BRDT: variants seen among roughly 807,000 people sequenced by gnomAD.
The protein encoded by BRDT is bromodomain testis associated.
A neutral mutation model predicts 113.9 loss-of-function variants in BRDT; 77 were observed. That is an observed-to-expected ratio of 0.68 (90% CI 0.56 to 0.82). The LOEUF (loss-of-function observed/expected upper bound fraction) is 0.82. Ranked by LOEUF, BRDT falls within the 40% of genes least tolerant of loss-of-function variation. BRDT has a pLI of 0.00. For missense variants in BRDT, 1,027 were observed against 1,105.4 expected (o/e 0.93, Z 1.01); for synonymous variants, 358 against 366.5 (o/e 0.98, Z 0.26).
chr1:91,984,972 T>C (rs1685073730), intron 12 of BRDT, among the ~76,000 whole-genome samples: 1 of 152,034 alleles, frequency 6.6e-6, no homozygotes, highest in African/African-American at 2.4e-5. Flanking sequence ...TAAAAATAAT[T>C]ATGATTTGGC....
At chr1:91,987,972 C>T (rs951501738) in intron 12 of BRDT, among the ~76,000 whole-genome samples, 1 of 152,086 alleles carries the variant, frequency 6.6e-6, no homozygotes, top group Admixed American at 6.5e-5. Context: ...GCCTCAGCCT[C>T]CTAAGTAGCT....
chr1:91,979,687 CCT>C lies in BRDT; in HGVS notation c.1220_1221del (p.Ser407Ter), dbSNP rs749928896. ...GGTAGAGAGAACACTAATGAAGCCT[CCT>C]CTGAAGGGAACTCTTCTGATGATTC... is the stretch of plus-strand genomic sequence containing the variant. On this transcript the variant is annotated frameshift_variant, in exon 8 of 19. Coordinates refer to ENST00000399546, the MANE Select transcript of BRDT (RefSeq NM_207189.4). LOFTEE classifies it high-confidence loss of function. The C allele has an allele frequency of 3.7e-6, 6 of 1,613,980 alleles. No homozygotes were observed. In the East Asian group the frequency reaches 1.1e-4, roughly 30 times the overall value.
chr1:91,973,246 G>A (rs1481615789), intron 4 of BRDT, among the ~76,000 whole-genome samples: 2 of 152,186 alleles, frequency 1.3e-5, no homozygotes, highest in Admixed American at 1.3e-4. Context: ...TTTGGCTTAG[G>A]ATTGACTTGG....
At chr1:91,979,116 C>CTTT (rs77923577) in intron 7 of BRDT, among the ~76,000 whole-genome samples, 16 of 138,408 alleles carry the variant, frequency 1.2e-4, no homozygotes, top group African/African-American at 3.7e-4. Context: ...AAGCATGAGT[C>CTTT]TTTTTTTTTT....
At chr1:91,951,524 C>T (rs770191296) in intron 1 of BRDT, among the ~76,000 whole-genome samples, 29 of 151,916 alleles carry the variant, frequency 1.9e-4, no homozygotes, top group Non-Finnish European at 3.8e-4. Context: ...AGGCTGGGCG[C>T]GGTGGCTCAC....
chr1:91,996,276 T>A (rs1686323839), intron 15 of BRDT, among the ~76,000 whole-genome samples: 1 of 152,118 alleles, frequency 6.6e-6, no homozygotes, highest in South Asian at 2.1e-4. Flanking sequence ...TGACACAGAG[T>A]CTCGCCCTGT....
chr1:91,997,860 A>G (rs1346748335), intron 15 of BRDT, among the ~76,000 whole-genome samples: 2 of 152,364 alleles, frequency 1.3e-5, no homozygotes, highest in East Asian at 3.9e-4. Context: ...TAAAATTTAT[A>G]GAGACATTTT....
intron 1 of BRDT, chr1:91,950,553 G>C (rs555396228): frequency 2.0e-5 from 3 of 152,396 alleles, no homozygotes; most frequent in Middle Eastern, 3.4e-3. Context: ...GGGCAGAAGT[G>C]ATAACTCGTC....
In BRDT at chr1:91,981,165, A is replaced by G; in HGVS notation, c.1737A>G (p.Pro579=). The G allele has an allele frequency of 6.2e-7, 1 of 1,609,430 alleles. No individual in the cohort carries two copies. The highest frequency in any genetic ancestry group is 8.5e-7 in the Non-Finnish European group (1 of 1,178,668). ...TTTCGGCATGTCTAAGAAAGAGACC[A>G]TTAAAACCTCCTGGTATGTATTTCT... The part of the protein sequence containing the change: ...KYVSACLRKR[P]LKPPAKKIMM... The change falls in exon 10 of 19, where the codon CCA becomes CCG. Residue 579 remains proline (P), a synonymous_variant. Coordinates refer to ENST00000399546, the MANE Select transcript of BRDT (RefSeq NM_207189.4).
At chr1:91,951,485 A>G (rs1681073036) in intron 1 of BRDT, among the ~76,000 whole-genome samples, 1 of 151,892 alleles carries the variant, frequency 6.6e-6, no homozygotes, top group Non-Finnish European at 1.5e-5. Flanking sequence ...GGGGGCGTGT[A>G]TAGATGGAAT....
At chr1:92,001,714 C>T (rs1049588030) in intron 15 of BRDT, among the ~76,000 whole-genome samples, 15 of 150,402 alleles carry the variant, frequency 1.0e-4, no homozygotes, top group Non-Finnish European at 2.2e-4. Flanking sequence ...AAAAAAAACA[C>T]ACCTCTGGAG....
Position 92,004,417 on chromosome 1 carries a change from A to G in BRDT, c.2392A>G (p.Ile798Val), listed in dbSNP as rs1687110255. Residue 798 changes from isoleucine (I) to valine (V), a missense_variant, in exon 17 of 19, where the codon ATA becomes GTA. Ile to Val is a conservative substitution (Grantham distance 29, BLOSUM62 3). Transcript: ENST00000399546. ...SECQAPVQKD[I>V]KIKNADSWKS... ...CTGAACCAAATATTTGTTTTAGGAT[A>G]TAAAGATTAAGAATGCAGATTCATG... 6.3e-7 allele frequency: 1 copy of G among 1,596,060 alleles called. No individual in the cohort carries two copies. Among genetic ancestry groups the G allele is most frequent in the Non-Finnish European group, 8.5e-7 (1 of 1,175,210 alleles).
chr1:92,013,527 C>G (rs1687984419), intron 18 of BRDT, among the ~76,000 whole-genome samples: 1 of 152,162 alleles, frequency 6.6e-6, no homozygotes, highest in Non-Finnish European at 1.5e-5. Flanking sequence ...GGTGTCATCT[C>G]AGATGCTAAA....
intron 15 of BRDT, among the ~76,000 whole-genome samples, chr1:91,999,541 T>G (rs1319549459): frequency 6.6e-6 from 1 of 152,174 alleles, no homozygotes; most frequent in East Asian, 1.9e-4. Flanking sequence ...GTTTTTTTCA[T>G]CTACCCCAGA....
At chr1:91,957,111 A>G (rs1274542060) in intron 1 of BRDT, among the ~76,000 whole-genome samples, 1 of 152,156 alleles carries the variant, frequency 6.6e-6, no homozygotes, top group East Asian at 1.9e-4. Context: ...GGAATTATGG[A>G]ATGTTTTACA....
At chr1:91,991,975 G>A (rs1685804946) in intron 13 of BRDT, among the ~76,000 whole-genome samples, 1 of 104,164 alleles carries the variant, frequency 9.6e-6, no homozygotes, top group African/African-American at 3.7e-5. Context: ...CTGGGCGACA[G>A]AGCAAGACTC....
Position 91,991,224 on chromosome 1 carries a change from T to G in BRDT, c.2043T>G (p.Ser681=). ...TTACAGAAGTAAAACCAAATGATTC[T>G]CCTTCTAAAGAGAATGTAAAGGTAA... ...PKFTEVKPND[S]PSKENVKKMK... is the part of the protein sequence containing the mutation. The change falls in exon 13 of 19, where the codon TCT becomes TCG. Residue 681 remains serine, a synonymous_variant. Transcript: ENST00000399546. The G allele has an allele frequency of 6.4e-7, 1 of 1,552,614 alleles. No homozygotes were observed. Among genetic ancestry groups the G allele is most frequent in the South Asian group, 1.2e-5 (1 of 86,088 alleles).
At chr1:91,955,253 C>A (rs911020496) in intron 1 of BRDT, among the ~76,000 whole-genome samples, 1 of 151,974 alleles carries the variant, frequency 6.6e-6, no homozygotes, top group African/African-American at 2.4e-5. Context: ...GTCAGAAGTT[C>A]AAGACAGCCT....
chr1:91,963,003 G>T, intron 2 of BRDT, 57 bp downstream of exon 2: 3 of 1,356,604 alleles, frequency 2.2e-6, no homozygotes, highest in Non-Finnish European at 2.0e-6. Flanking sequence ...GTAAATTTCT[G>T]TAAGACATAA....
Sources: gnomAD v4.1 joint callset for allele counts (sites outside exome capture counted in the v4.1 genomes callset) on GRCh38, gnomAD v4.1.1 for gene constraint, MANE v1.5 for transcripts, NCBI Gene and HGNC (gene_info 2026-07-23, HGNC 2026-07-21) for gene names.